AJAP1: variants seen among roughly 807,000 people sequenced by gnomAD.
The protein encoded by AJAP1 is adherens junction-associated protein 1.
A neutral mutation model predicts 35.0 loss-of-function variants in AJAP1; 5 were observed. That is an observed-to-expected ratio of 0.14 (90% CI 0.07 to 0.30). The LOEUF is 0.30. Among genes scored for constraint, AJAP1 ranks in the 10% least tolerant of loss-of-function variants. The pLI, the probability that AJAP1 is intolerant of heterozygous loss-of-function variation, is 1.00. For synonymous variants in AJAP1, 284 were observed against 249.3 expected (o/e 1.14, Z -1.31); for missense variants, 586 against 571.0 (o/e 1.03, Z -0.27).
intron 2 of AJAP1, among the ~76,000 whole-genome samples, chr1:4,746,951 G>T (rs751473392): frequency 3.6e-4 from 55 of 152,204 alleles, no homozygotes; most frequent in Non-Finnish European, 6.6e-4. Context: ...GAGCGCCAAG[G>T]TAAAAGCACC....
chr1:4,672,401 T>C (rs1267164571), intron 1 of AJAP1, among the ~76,000 whole-genome samples: 1 of 152,210 alleles, frequency 6.6e-6, no homozygotes, highest in Non-Finnish European at 1.5e-5. Flanking sequence ...TGGTTTTGCA[T>C]ACACTGTGCC....
chr1:4,792,228 ATCT>A lies in AJAP1; in HGVS notation c.*9748_*9750del, dbSNP rs956510674. ...GTCTCTATAGACGTATTTATATATC[ATCT>A]TCTTGAGAGAGTTAACCTCCTGTAG... On this transcript the variant is annotated 3_prime_UTR_variant, in exon 6 of 6. Transcript: ENST00000378191. 57 of 151,630 alleles carry A rather than the reference ATCT, an allele frequency of 3.8e-4. No homozygotes were observed. The highest frequency in any genetic ancestry group is 3.4e-3 in the Middle Eastern group (1 of 292). 9.4% of individuals were successfully genotyped at this position (151,630 alleles called of 1,614,324 possible). A position where few individuals can be genotyped will look rare whatever the true frequency, so the allele number is the denominator to read the frequency against.
chr1:4,715,834 GT>G (rs1487812996), intron 2 of AJAP1, among the ~76,000 whole-genome samples: 2 of 152,352 alleles, frequency 1.3e-5, no homozygotes, highest in East Asian at 3.9e-4. Context: ...GGAAGAGAGG[GT>G]TGCCAGTGTC....
At chr1:4,779,413 G>A (rs1195804183) in intron 5 of AJAP1, among the ~76,000 whole-genome samples, 5 of 151,246 alleles carry the variant, frequency 3.3e-5, no homozygotes, top group Middle Eastern at 3.4e-3. Flanking sequence ...TCAGCTCGCT[G>A]TAAGCTCCGC....
rs1314816145 is a variant in AJAP1, at chr1:4,693,152, G to A, written c.30-18748G>A. ...TTCTCCCAGTTTATGGGGAGAAACC[G>A]AGGAAACCTTGGAGAAGCCCCCATG... On this transcript the variant is annotated intron_variant, in intron 1 of 5. Transcript: ENST00000378191. This position sits in a 1 kb window ranked among gnomAD's most constrained non-coding sequence, Gnocchi z 4.4. Among the ~76,000 whole-genome samples, 6 of 152,226 alleles carry A rather than the reference G, an allele frequency of 3.9e-5. No individual in the cohort carries two copies. Among genetic ancestry groups the A allele is most frequent in the South Asian group, 2.1e-4 (1 of 4,816 alleles).
intron 1 of AJAP1, among the ~76,000 whole-genome samples, chr1:4,665,336 C>T (rs34140450): frequency 1.2e-4 from 18 of 152,292 alleles, no homozygotes; most frequent in Non-Finnish European, 2.1e-4. Context: ...TGGCATTACA[C>T]TGTGCAGGCT....
In AJAP1 at chr1:4,787,362, T is replaced by G; in HGVS notation, c.*4877T>G. 9 of 222,468 alleles carry G rather than the reference T, an allele frequency of 4.0e-5. No homozygotes were observed. Among genetic ancestry groups the G allele is most frequent in the African/African-American group, 8.0e-5 (3 of 37,732 alleles). 13.8% of individuals were successfully genotyped at this position (222,468 alleles called of 1,614,324 possible). On this transcript the variant is annotated 3_prime_UTR_variant, in exon 6 of 6. Transcript: ENST00000378191. ...GGAAGAGGGAGAGAGTGGGGGGCATTGAAGGGGAAGAAAGAGAGGCAGGGG... is the reference window on the plus strand; with the variant it reads ...GGAAGAGGGAGAGAGTGGGGGGCATGGAAGGGGAAGAAAGAGAGGCAGGGG...
intron 1 of AJAP1, among the ~76,000 whole-genome samples, chr1:4,683,418 C>T (rs554495994): frequency 2.0e-5 from 3 of 152,176 alleles, no homozygotes; most frequent in Admixed American, 1.3e-4. Context: ...TGAGCATAAG[C>T]GTTTCTTACC....
rs1570072291 is a variant in AJAP1, at chr1:4,655,666, C to T, written c.29+212C>T. 6.6e-6 allele frequency among the ~76,000 whole-genome samples: 1 copy of T among 151,136 alleles called. No homozygotes were observed. The highest frequency in any genetic ancestry group is 6.6e-5 in the Admixed American group (1 of 15,182). On this transcript the variant is annotated intron_variant, in intron 1 of 5. Transcript: ENST00000378191. The surrounding 1 kb of genome is among the most constrained non-coding windows in gnomAD (Gnocchi z 6.9). ...GGGAGCGGCCGGGTCTCCAGGGTTC[C>T]GCGCGTCCGGGGTCGGGGCAGCGGC...
chr1:4,767,749 C>G (rs559830778), intron 2 of AJAP1, among the ~76,000 whole-genome samples: 1 of 152,340 alleles, frequency 6.6e-6, no homozygotes, highest in South Asian at 2.1e-4. Context: ...GCAGCAGCAG[C>G]AGCAACCTCC....
chr1:4,689,904 CT>C (rs138540545), intron 1 of AJAP1, among the ~76,000 whole-genome samples: 3,306 of 152,256 alleles, frequency 0.022, 67 homozygotes, highest in Non-Finnish European at 0.031. Context: ...GGCTGGTTCT[CT>C]TGCTTTCCTT....
rs1570144193 is a variant in AJAP1, at chr1:4,712,447, G to C, written c.577G>C (p.Glu193Gln). 3.1e-6 allele frequency: 5 copies of C among 1,609,762 alleles called. No individual in the cohort carries two copies. The East Asian group carries it at 1.1e-4, about 36-fold the overall frequency. Residue 193 changes from glutamate (E) to glutamine (Q), a missense_variant, in exon 2 of 6, where the codon GAG becomes CAG. Transcript: ENST00000378191. Reference sequence around the variant, plus strand: ...GCCCACGGGGGACGAGGAGGCCCTGGAGTCCAACACATTTCCGGGCGTTTA... The same window carrying C: ...GCCCACGGGGGACGAGGAGGCCCTGCAGTCCAACACATTTCCGGGCGTTTA... The part of the protein sequence containing the change: ...WGPTGDEEAL[E>Q]SNTFPGVYGP...
At position 4,789,114 on chromosome 1, in the gene AJAP1, G is replaced by C. The variant is rs1358433697; in HGVS notation, c.*6629G>C. On this transcript the variant is annotated 3_prime_UTR_variant, in exon 6 of 6. Coordinates refer to ENST00000378191, the MANE Select transcript of AJAP1 (RefSeq NM_018836.4). This position sits in a 1 kb window ranked among gnomAD's most constrained non-coding sequence, Gnocchi z 4.4. ...TATATAAGAGGCATAATATAAATTG[G>C]GCCAAGCTTGCCCATGTGGGACACA... 2 of 152,126 alleles carry C rather than the reference G, an allele frequency of 1.3e-5. No individual in the cohort carries two copies. Among genetic ancestry groups the C allele is most frequent in the Non-Finnish European group, 2.9e-5 (2 of 68,034 alleles). The allele number at this position is 152,126 out of a possible 1,614,324, so 9.4% of individuals were successfully genotyped here.
At chr1:4,705,808 G>A (rs550415233) in intron 1 of AJAP1, among the ~76,000 whole-genome samples, 19 of 152,196 alleles carry the variant, frequency 1.2e-4, no homozygotes, top group Non-Finnish European at 2.2e-4. Context: ...GGAGCCAAAC[G>A]AGACACAACC....
intron 1 of AJAP1, among the ~76,000 whole-genome samples, chr1:4,671,950 G>T (rs1437817351): frequency 6.6e-6 from 1 of 152,180 alleles, no homozygotes; most frequent in Non-Finnish European, 1.5e-5. Flanking sequence ...AAGGAAAGCT[G>T]TGAGGCACAC....
chr1:4,746,726 C>T (rs2100325393), intron 2 of AJAP1, among the ~76,000 whole-genome samples: 1 of 152,362 alleles, frequency 6.6e-6, no homozygotes, highest in African/African-American at 2.4e-5. Flanking sequence ...AGCAGGCAGC[C>T]TCTGGGGTGA....
chr1:4,743,970 G>A (rs999958689), intron 2 of AJAP1, among the ~76,000 whole-genome samples: 9 of 152,222 alleles, frequency 5.9e-5, no homozygotes, highest in Admixed American at 1.3e-4. Flanking sequence ...GGGATGCGGA[G>A]GTGAAGTGAT....
chr1:4,708,371 G>A (rs6670802), intron 1 of AJAP1, among the ~76,000 whole-genome samples: 30,129 of 151,998 alleles, frequency 0.2, 3,148 homozygotes, highest in Middle Eastern at 0.27. Context: ...TGCTGTGGTC[G>A]GCAGCCATGC....
chr1:4,723,294 G>A lies in AJAP1; in HGVS notation c.829+10595G>A, dbSNP rs544506460. Among the ~76,000 whole-genome samples, 4 of 152,328 alleles carry A rather than the reference G, an allele frequency of 2.6e-5. No homozygotes were observed. The East Asian group carries it at 7.7e-4, about 29-fold the overall frequency. On this transcript the variant is annotated intron_variant, in intron 2 of 5. Coordinates refer to ENST00000378191, the MANE Select transcript of AJAP1 (RefSeq NM_018836.4). The surrounding 1 kb of genome is among the most constrained non-coding windows in gnomAD (Gnocchi z 4.3). Reference sequence around the variant, plus strand: ...CCACCCTGGCGGCCGTCCAAGGGGAGCGCCTGTGGATACTCCTTGGATTCC... The same window carrying A: ...CCACCCTGGCGGCCGTCCAAGGGGAACGCCTGTGGATACTCCTTGGATTCC...
Sources: gnomAD v4.1 joint callset for allele counts (sites outside exome capture counted in the v4.1 genomes callset) on GRCh38, gnomAD v4.1.1 for gene constraint, Gnocchi (gnomAD v3.1) non-coding constraint, MANE v1.5 for transcripts, NCBI Gene and HGNC (gene_info 2026-07-23, HGNC 2026-07-21) for gene names.